APBA1: variants seen among roughly 807,000 people sequenced by gnomAD.
APBA1 encodes the protein amyloid-beta A4 precursor protein-binding family A member 1.
In APBA1, 55 loss-of-function variants were observed where a neutral mutation model predicts 86.6. The ratio of observed to expected loss-of-function variants is 0.64; its 90% CI spans 0.51 to 0.80. The LOEUF (loss-of-function observed/expected upper bound fraction) is 0.80, where lower values mean the gene tolerates loss of function less well. Among genes scored for constraint, APBA1 ranks in the 30% least tolerant of loss-of-function variants. APBA1 has a pLI of 0.00. For synonymous variants in APBA1, 511 were observed against 493.9 expected (o/e 1.03, Z -0.46); for missense variants, 1,090 against 1,183.0 (o/e 0.92, Z 1.15).
At position 69,641,147 on chromosome 9, in the gene APBA1, T is replaced by C. The variant is rs1250779524; in HGVS notation, c.-70+31006A>G. ...TACAACGTCAATATATGAAATGCAA[T>C]GACATTTTAATATACTAGCAATGAA... On this transcript the variant is annotated intron_variant, in intron 1 of 12. Coordinates refer to ENST00000265381, the MANE Select transcript of APBA1 (RefSeq NM_001163.4). 2.0e-5 allele frequency among the ~76,000 whole-genome samples: 3 copies of C among 152,122 alleles called. No homozygotes were observed. In the South Asian group the frequency reaches 6.2e-4, roughly 32 times the overall value.
chr9:69,491,371 C>G (rs1218149599), intron 2 of APBA1, among the ~76,000 whole-genome samples: 1 of 151,874 alleles, frequency 6.6e-6, no homozygotes, highest in Non-Finnish European at 1.5e-5. Flanking sequence ...AACCAAACAC[C>G]GCATGTTCTC....
Position 69,516,822 on chromosome 9 carries a change from G to C in APBA1, c.389C>G (p.Thr130Arg). The C allele has an allele frequency of 6.2e-7, 1 of 1,606,802 alleles. No individual in the cohort carries two copies. The highest frequency in any genetic ancestry group is 8.5e-7 in the Non-Finnish European group (1 of 1,179,234). Residue 130 changes from threonine (T) to arginine (R), a missense_variant, in exon 2 of 13, where the codon ACG becomes AGG. By Grantham distance (71) the Thr-to-Arg change is moderately conservative (BLOSUM62 -1). Transcript: ENST00000265381. The surrounding 1 kb of genome is among the most constrained non-coding windows in gnomAD (Gnocchi z 7.3). The part of the protein sequence containing the change: ...VQYRPEAEEY[T>R]EQAEAEHAEA... ...GGCGTGCTCGGCCTCTGCCTGCTCC[G>C]TGTACTCCTCGGCCTCGGGCCGGTA...
intron 11 of APBA1, among the ~76,000 whole-genome samples, chr9:69,434,637 G>T (rs913465590): frequency 2.0e-5 from 3 of 151,440 alleles, no homozygotes; most frequent in Admixed American, 6.6e-5. Flanking sequence ...AACCCAGGAG[G>T]TGGAGGTTGC....
At chr9:69,667,317 C>T (rs1296669122) in intron 1 of APBA1, among the ~76,000 whole-genome samples, 5 of 152,072 alleles carry the variant, frequency 3.3e-5, no homozygotes, top group African/African-American at 4.8e-5. Flanking sequence ...AATTATATAG[C>T]GTTAATTGGT....
intron 1 of APBA1, among the ~76,000 whole-genome samples, chr9:69,581,185 T>G (rs1217510506): frequency 6.6e-6 from 1 of 152,160 alleles, no homozygotes; most frequent in Non-Finnish European, 1.5e-5. Flanking sequence ...ATGGTATCAG[T>G]CAAAGCAAGG....
At chr9:69,546,387 T>C (rs773763157) in intron 1 of APBA1, among the ~76,000 whole-genome samples, 6 of 152,214 alleles carry the variant, frequency 3.9e-5, no homozygotes, top group Non-Finnish European at 7.3e-5. Context: ...CTGTAGGAAC[T>C]GTTCCCACTC....
At chr9:69,454,980 T>G (rs1349886832) in intron 8 of APBA1, among the ~76,000 whole-genome samples, 1 of 152,180 alleles carries the variant, frequency 6.6e-6, no homozygotes, top group Non-Finnish European at 1.5e-5. Context: ...CCTGTGCTGC[T>G]TTCTAGAGAA....
chr9:69,641,501 T>C (rs867220643), intron 1 of APBA1, among the ~76,000 whole-genome samples: 8 of 152,268 alleles, frequency 5.3e-5, no homozygotes, highest in African/African-American at 1.9e-4. Flanking sequence ...AAACTTAGTA[T>C]AAAGCTACAG....
rs189416545 is a variant in APBA1 at position 69,670,563 on chromosome 9, G to A, written c.-70+1590C>T. 5.4e-4 allele frequency among the ~76,000 whole-genome samples: 82 copies of A among 152,202 alleles called. 1 individual carries two copies. In the South Asian group the frequency reaches 0.013, roughly 24 times the overall value. On this transcript the variant is annotated intron_variant, in intron 1 of 12. Transcript: ENST00000265381. ...AAGTGCACTCATTCCTATGAATACC[G>A]CAGGAGAAACATAGGTGAGGGGGAA...
At chr9:69,467,512 C>T (rs1317587053) in intron 5 of APBA1, among the ~76,000 whole-genome samples, 1 of 152,212 alleles carries the variant, frequency 6.6e-6, no homozygotes, top group East Asian at 1.9e-4. Context: ...ACATGTCTTG[C>T]ACTTGAGACA....
intron 10 of APBA1, among the ~76,000 whole-genome samples, chr9:69,445,654 C>T (rs988807363): frequency 1.3e-5 from 2 of 152,124 alleles, no homozygotes; most frequent in Non-Finnish European, 2.9e-5. Context: ...CAGAAAGAGG[C>T]AGCCTGTAAA....
intron 9 of APBA1, 46 bp from the exon 10 acceptor site, chr9:69,449,842 G>T (rs1339119140): frequency 1.3e-6 from 2 of 1,547,486 alleles, no homozygotes; most frequent in Admixed American, 1.8e-5. Context: ...GTGACCATCT[G>T]GGGTAGGTAG....
intron 1 of APBA1, among the ~76,000 whole-genome samples, chr9:69,622,804 C>T (rs373405012): frequency 6.6e-6 from 1 of 152,066 alleles, no homozygotes; most frequent in Non-Finnish European, 1.5e-5. Context: ...AAGATTTTTC[C>T]CTGGAAATTT....
chr9:69,607,013 T>C (rs1822489843), intron 1 of APBA1, among the ~76,000 whole-genome samples: 1 of 152,182 alleles, frequency 6.6e-6, no homozygotes. Context: ...GAAGTTCTTT[T>C]AAAGAAACCC....
intron 1 of APBA1, among the ~76,000 whole-genome samples, chr9:69,616,785 G>A (rs984043651): frequency 2.0e-5 from 3 of 152,156 alleles, no homozygotes; most frequent in African/African-American, 7.2e-5. Flanking sequence ...GCAGCACTGA[G>A]GGAAAATCAA....
At chr9:69,488,456 T>C (rs1835647471) in intron 2 of APBA1, among the ~76,000 whole-genome samples, 1 of 152,144 alleles carries the variant, frequency 6.6e-6, no homozygotes, top group Admixed American at 6.5e-5. Context: ...TAAGGTTATA[T>C]TTATATTTTT....
chr9:69,643,124 T>C (rs542123943), intron 1 of APBA1, among the ~76,000 whole-genome samples: 1 of 152,016 alleles, frequency 6.6e-6, no homozygotes, highest in African/African-American at 2.4e-5. Flanking sequence ...AGTTTTTAAA[T>C]CAAATTAAAC....
At chr9:69,603,705 A>G (rs1370008258) in intron 1 of APBA1, among the ~76,000 whole-genome samples, 1 of 152,242 alleles carries the variant, frequency 6.6e-6, no homozygotes. Flanking sequence ...CCATAAGGCC[A>G]AAGTGTTTTG....
intron 2 of APBA1, among the ~76,000 whole-genome samples, chr9:69,499,367 T>C (rs1835846985): frequency 6.6e-6 from 1 of 152,118 alleles, no homozygotes; most frequent in South Asian, 2.1e-4. Context: ...TCCTAAATTC[T>C]GTCTACTTGA....
Sources: allele counts gnomAD v4.1 joint callset (sites outside exome capture counted in the v4.1 genomes callset), GRCh38; gene constraint gnomAD v4.1.1; non-coding constraint Gnocchi (gnomAD v3.1); transcripts MANE v1.5; gene names NCBI Gene and HGNC (gene_info 2026-07-23, HGNC 2026-07-21).